CACNA1B: variants seen among roughly 807,000 people sequenced by gnomAD.
CACNA1B encodes the protein calcium voltage-gated channel subunit alpha1 B, also known as voltage-dependent N-type calcium channel subunit alpha-1B.
Under a neutral mutation model 247.2 loss-of-function variants are expected in CACNA1B, and 70 were observed. The ratio of observed to expected loss-of-function variants is 0.28; its 90% CI spans 0.23 to 0.35. The LOEUF is 0.35. CACNA1B is among the 10% of genes least tolerant of loss of function. The pLI is 1.00. For synonymous variants in CACNA1B, 1,231 were observed against 1,294.4 expected, an observed-to-expected ratio of 0.95 and a Z score of 1.05; for missense variants, 2,367 against 3,197.4, an observed-to-expected ratio of 0.74 and a Z score of 6.26.
intron 36 of CACNA1B, among the ~76,000 whole-genome samples, chr9:138,088,419 A>G (rs1357110935): frequency 6.6e-6 from 1 of 152,180 alleles, no homozygotes; most frequent in Non-Finnish European, 1.5e-5. Context: ...ACCATTAGCT[A>G]GATTAAGCAA....
At chr9:138,046,760 A>G (rs1959189026) in intron 21 of CACNA1B, 144 bp from the exon 22 acceptor site, 1 of 719,556 alleles carries the variant, frequency 1.4e-6, no homozygotes, top group South Asian at 1.9e-5. Flanking sequence ...AACCACAGGG[A>G]CCATTAGCAA....
rs890458453 is a variant in CACNA1B, at chr9:138,023,160, G to A, written c.2417G>A (p.Arg806Gln). The change falls in exon 19 of 47, where the codon CGG becomes CAG. Residue 806 changes from arginine to glutamine, a missense_variant. This residue lies in a region of CACNA1B where 631 missense variants were observed against 631.1 expected (regional missense o/e 1.00). Transcript: ENST00000371372. ...RLRFATTRHL[R>Q]PDMKTHLDRP... ...CGCTTCGCCACTACGCGCCACCTGC[G>A]GCCCGACATGAAGACGCACCTGGAC... The A allele has an allele frequency of 1.3e-6, 2 of 1,535,226 alleles. No individual in the cohort carries two copies. Among genetic ancestry groups the A allele is most frequent in the Non-Finnish European group, 1.7e-6 (2 of 1,148,794 alleles).
Position 138,012,830 on chromosome 9 carries a change from C to G in CACNA1B, c.2161-299C>G, listed in dbSNP as rs1025676035. On this transcript the variant is annotated intron_variant, in intron 17 of 46. Transcript: ENST00000371372. This position sits in a 1 kb window ranked among gnomAD's most constrained non-coding sequence, Gnocchi z 4.2. ...GGTCAGGATAGCACAGAGGTGAGGC[C>G]GTCGCCTCCAGGGAGACGGCACAAG... 1.3e-5 allele frequency among the ~76,000 whole-genome samples: 2 copies of G among 152,052 alleles called. No individual in the cohort carries two copies. The highest frequency in any genetic ancestry group is 3.9e-4 in the East Asian group (2 of 5,144).
chr9:138,010,003 C>T lies in CACNA1B; in HGVS notation c.2093-7C>T, dbSNP rs771589334. ...AGAGGTTCCCTTCCTCAGCTGGACC[C>T]AACCAGACACTCTGCTGAATGTCTT... On this transcript the variant is annotated splice_polypyrimidine_tract_variant and splice_region_variant and intron_variant, in intron 16 of 46. Transcript: ENST00000371372. The surrounding 1 kb of genome is among the most constrained non-coding windows in gnomAD (Gnocchi z 5.3). The T allele has an allele frequency of 1.2e-6, 2 of 1,612,674 alleles. No individual in the cohort carries two copies. Among genetic ancestry groups the T allele is most frequent in the African/African-American group, 1.3e-5 (1 of 74,866 alleles).
chr9:137,913,836 G>A lies in CACNA1B; in HGVS notation c.622+565G>A, dbSNP rs550761449. On this transcript the variant is annotated intron_variant, in intron 4 of 46. Transcript: ENST00000371372. The surrounding 1 kb of genome is among the most constrained non-coding windows in gnomAD (Gnocchi z 5.2). Reference sequence around the variant, plus strand: ...AGTCTGGTTTTAGGTTTACCTAAGGGCCTGAGTGGACATGGAACTAGAGCT... The same window carrying A: ...AGTCTGGTTTTAGGTTTACCTAAGGACCTGAGTGGACATGGAACTAGAGCT... 2.0e-5 allele frequency among the ~76,000 whole-genome samples: 3 copies of A among 152,296 alleles called. No homozygotes were observed. Among genetic ancestry groups the A allele is most frequent in the Non-Finnish European group, 2.9e-5 (2 of 68,022 alleles).
At chr9:138,053,429 G>C (rs1959365994) in intron 25 of CACNA1B, among the ~76,000 whole-genome samples, 1 of 152,178 alleles carries the variant, frequency 6.6e-6, no homozygotes, top group Non-Finnish European at 1.5e-5. Flanking sequence ...GGCCTTGCAG[G>C]GCCCTGGAAT....
At chr9:137,916,338 T>C (rs969594063) in intron 5 of CACNA1B, among the ~76,000 whole-genome samples, 3 of 152,186 alleles carry the variant, frequency 2.0e-5, no homozygotes, top group African/African-American at 7.2e-5. Flanking sequence ...TGGCCTGCAT[T>C]TTTTAAAAAT....
At chr9:137,979,539 T>A (rs888580526) in intron 12 of CACNA1B, among the ~76,000 whole-genome samples, 1 of 152,078 alleles carries the variant, frequency 6.6e-6, no homozygotes, top group African/African-American at 2.4e-5. Flanking sequence ...GAGGAATATA[T>A]GGGGGCAGGT....
rs1161680113 is a variant in CACNA1B at position 137,899,070 on chromosome 9, C to G, written c.531-14110C>G. Reference sequence around the variant, plus strand: ...TGTAGGTGTGAGCCACCCTGCCTGGCCTTCTTTTTTCTCTCTTTCTTTCTT... The same window carrying G: ...TGTAGGTGTGAGCCACCCTGCCTGGGCTTCTTTTTTCTCTCTTTCTTTCTT... On this transcript the variant is annotated intron_variant, in intron 3 of 46. Transcript: ENST00000371372. This position sits in a 1 kb window ranked among gnomAD's most constrained non-coding sequence, Gnocchi z 5.0. 4.0e-5 allele frequency among the ~76,000 whole-genome samples: 6 copies of G among 151,726 alleles called. No individual in the cohort carries two copies. The highest frequency in any genetic ancestry group is 1.5e-4 in the African/African-American group (6 of 41,326).
In CACNA1B at chr9:138,085,771, G is replaced by A. The variant is rs983734467; in HGVS notation, c.5094+7513G>A. 6.6e-5 allele frequency among the ~76,000 whole-genome samples: 10 copies of A among 151,282 alleles called. 2 individuals are homozygous for A. Among genetic ancestry groups the A allele is most frequent in the African/African-American group, 2.4e-4 (10 of 40,902 alleles). On this transcript the variant is annotated intron_variant, in intron 36 of 46. Transcript: ENST00000371372. The stretch of plus-strand genomic sequence containing the variant: ...GTAAAAGGAAAACAAAAAACAAACT[G>A]TCAGTCAAGAATACTATACCCAGCA...
intron 32 of CACNA1B, among the ~76,000 whole-genome samples, chr9:138,070,133 C>G (rs368270812): frequency 6.6e-6 from 1 of 152,340 alleles, no homozygotes; most frequent in African/African-American, 2.4e-5. Context: ...CTGATCCCTG[C>G]GAGTCCATGG....
At chr9:137,980,361 A>G (rs951079188) in intron 12 of CACNA1B, among the ~76,000 whole-genome samples, 15 of 152,284 alleles carry the variant, frequency 9.9e-5, no homozygotes, top group African/African-American at 3.1e-4. Context: ...CATTGACCAG[A>G]TGTGTGAGGC....
chr9:137,934,003 G>A (rs560114730), intron 6 of CACNA1B, among the ~76,000 whole-genome samples: 4 of 152,250 alleles, frequency 2.6e-5, no homozygotes, highest in African/African-American at 9.6e-5. Context: ...AAACACTTTG[G>A]TTAATTATTA....
chr9:137,928,921 A>G (rs1383475585), intron 6 of CACNA1B, among the ~76,000 whole-genome samples: 1 of 152,154 alleles, frequency 6.6e-6, no homozygotes, highest in Non-Finnish European at 1.5e-5. Context: ...TGAAGCAAGT[A>G]TTGGTATTTT....
At chr9:137,939,827 TAAATAAATAAATAAATAAATAAAA>T (rs1274787800) in intron 6 of CACNA1B, among the ~76,000 whole-genome samples, 28 of 134,146 alleles carry the variant, frequency 2.1e-4, no homozygotes, top group African/African-American at 7.8e-4. Context: ...AATAAATAAA[TAAATAAATAAATAAATAAATAAAA>T]AAAAATAAAA....
intron 3 of CACNA1B, among the ~76,000 whole-genome samples, chr9:137,906,560 T>C (rs74531721): frequency 0.014 from 2,121 of 152,200 alleles, 59 homozygotes; most frequent in African/African-American, 0.047. Context: ...CATCCCCGTG[T>C]GATGCCTTAT....
At chr9:137,908,001 C>A (rs910839282) in intron 3 of CACNA1B, among the ~76,000 whole-genome samples, 2 of 152,196 alleles carry the variant, frequency 1.3e-5, no homozygotes, top group Non-Finnish European at 2.9e-5. Flanking sequence ...TACGTCAGGC[C>A]TGTTTCTGGC....
intron 3 of CACNA1B, among the ~76,000 whole-genome samples, chr9:137,895,502 T>A (rs977845166): frequency 6.6e-6 from 1 of 152,256 alleles, no homozygotes; most frequent in Non-Finnish European, 1.5e-5. Flanking sequence ...TCCATTTATG[T>A]AGATCTTTGA....
chr9:137,971,215 G>A lies in CACNA1B; in HGVS notation c.1334-168G>A, dbSNP rs928512027. ...TAACCATGGAGATCATCAGGGCCTT[G>A]GTTCCCTCAGCTGTGAAGTGGAGGT... On this transcript the variant is annotated intron_variant, in intron 10 of 46. Coordinates refer to ENST00000371372, the MANE Select transcript of CACNA1B (RefSeq NM_000718.4). The surrounding 1 kb of genome is among the most constrained non-coding windows in gnomAD (Gnocchi z 4.4). 6.6e-6 allele frequency among the ~76,000 whole-genome samples: 1 copy of A among 152,132 alleles called. No homozygotes were observed. Among genetic ancestry groups the A allele is most frequent in the African/African-American group, 2.4e-5 (1 of 41,428 alleles).
Sources: gnomAD v4.1 joint callset for allele counts (sites outside exome capture counted in the v4.1 genomes callset) on GRCh38, gnomAD v4.1.1 for gene constraint, gnomAD v4.1.1 regional missense constraint, Gnocchi (gnomAD v3.1) non-coding constraint, MANE v1.5 for transcripts, NCBI Gene and HGNC (gene_info 2026-07-23, HGNC 2026-07-21) for gene names.